The following ZBBX variants were observed in gnomAD, a reference collection of about 807,000 sequenced individuals.
ZBBX encodes the protein zinc finger B-box domain containing, also known as zinc finger B-box domain-containing protein 1.
ZBBX carries 101 observed loss-of-function variants against 108.5 expected under a neutral mutation model. The observed-to-expected ratio is 0.93, with a 90% CI of 0.79 to 1.10. The LOEUF (loss-of-function observed/expected upper bound fraction) is 1.10. Among genes scored for constraint, ZBBX ranks in the 50% least tolerant of loss-of-function variants. ZBBX has a pLI of 0.00. For synonymous variants in ZBBX, 356 were observed against 323.4 expected (o/e 1.10, Z -1.08); for missense variants, 1,009 against 941.4 (o/e 1.07, Z -0.94).
At chr3:167,331,083 C>T (rs1015985741) in intron 10 of ZBBX, among the ~76,000 whole-genome samples, 1 of 151,708 alleles carries the variant, frequency 6.6e-6, no homozygotes, top group Non-Finnish European at 1.5e-5. Flanking sequence ...ATACTGCCAG[C>T]ACCTTTATCT....
chr3:167,321,847 T>C (rs1287056092), intron 12 of ZBBX, among the ~76,000 whole-genome samples: 1 of 152,020 alleles, frequency 6.6e-6, no homozygotes, highest in Non-Finnish European at 1.5e-5. Flanking sequence ...TTTATTATTC[T>C]TCTTAAATTC....
At chr3:167,211,375 G>A in the ZBBX span, among the ~76,000 whole-genome samples, 1 of 152,154 alleles carries the variant, frequency 6.6e-6, no homozygotes, top group African/African-American at 2.4e-5. Flanking sequence ...CAGATACTTG[G>A]GCTTTCTGGC....
chr3:167,290,396 T>C (rs1730475634), intron 18 of ZBBX, among the ~76,000 whole-genome samples: 1 of 152,096 alleles, frequency 6.6e-6, no homozygotes, highest in South Asian at 2.1e-4. Context: ...CCTCCGCTGG[T>C]GATACCCAGG....
intron 1 of ZBBX, chr3:167,392,741 G>T (rs575163592): frequency 7.9e-5 from 12 of 151,792 alleles, no homozygotes; most frequent in Non-Finnish European, 1.5e-4. Context: ...CAAAAAGAAA[G>T]TGTTGGTGAT....
At chr3:167,312,940 TC>T (rs747395721) in intron 16 of ZBBX, among the ~76,000 whole-genome samples, 19 of 152,174 alleles carry the variant, frequency 1.2e-4, no homozygotes, top group Admixed American at 1.3e-4. Flanking sequence ...AAAAATCTAA[TC>T]TTCACATACG....
chr3:167,358,633 A>G (rs975485811), intron 8 of ZBBX, among the ~76,000 whole-genome samples: 1 of 152,086 alleles, frequency 6.6e-6, no homozygotes, highest in Admixed American at 6.6e-5. Context: ...TTCACATTAT[A>G]GCTTTTAAGA....
At chr3:167,395,409 A>G (rs1194990064) in intron 1 of ZBBX, among the ~76,000 whole-genome samples, 1 of 152,036 alleles carries the variant, frequency 6.6e-6, no homozygotes, top group Non-Finnish European at 1.5e-5. Flanking sequence ...GTGTACAATA[A>G]CAGGCAGGAG....
intron 20 of ZBBX, among the ~76,000 whole-genome samples, chr3:167,267,290 A>G (rs963066177): frequency 6.6e-6 from 1 of 152,180 alleles, no homozygotes; most frequent in African/African-American, 2.4e-5. Flanking sequence ...AGAAGGGTAC[A>G]AGGAACCTTC....
At position 167,240,762 on chromosome 3, in the gene ZBBX, C is replaced by T; in HGVS notation, c.*31G>A. The T allele has an allele frequency of 6.2e-7, 1 of 1,602,596 alleles. No individual in the cohort carries two copies. The highest frequency in any genetic ancestry group is 8.5e-7 in the Non-Finnish European group (1 of 1,174,164). On this transcript the variant is annotated 3_prime_UTR_variant, in exon 22 of 22. Transcript: ENST00000675490. The stretch of plus-strand genomic sequence containing the variant: ...TCAGTTGTTTGCTTTACTCTGGGTA[C>T]AAAATGGAAACAGTAATGAACAAAT...
chr3:167,330,977 T>TCTCTCTC (rs1553820893), intron 10 of ZBBX, among the ~76,000 whole-genome samples: 2 of 20,228 alleles, frequency 9.9e-5, no homozygotes, highest in South Asian at 1.5e-3. Context: ...CCCACTCCCC[T>TCTCTCTC]TCTGTATGCA....
chr3:167,268,996 G>A (rs1182065512), intron 20 of ZBBX, among the ~76,000 whole-genome samples: 1 of 152,176 alleles, frequency 6.6e-6, no homozygotes, highest in East Asian at 1.9e-4. Flanking sequence ...GGAGCTGGGA[G>A]AGAAGAAGGA....
At chr3:167,337,651 A>G (rs1739793771) in intron 9 of ZBBX, among the ~76,000 whole-genome samples, 1 of 152,150 alleles carries the variant, frequency 6.6e-6, no homozygotes, top group African/African-American at 2.4e-5. Context: ...AACAGTTTTT[A>G]TCCTATAACC....
At chr3:167,304,833 A>G (rs1480926123) in intron 17 of ZBBX, among the ~76,000 whole-genome samples, 1 of 151,782 alleles carries the variant, frequency 6.6e-6, no homozygotes, top group East Asian at 1.9e-4. Context: ...TTTGCAGAGG[A>G]CTCAGTTCCA....
At chr3:167,291,524 C>A (rs1426537410) in intron 18 of ZBBX, among the ~76,000 whole-genome samples, 1 of 152,126 alleles carries the variant, frequency 6.6e-6, no homozygotes, top group Non-Finnish European at 1.5e-5. Flanking sequence ...TTGTCACCAC[C>A]AGGCCTGCCT....
chr3:167,195,332 A>C, the ZBBX span, among the ~76,000 whole-genome samples: 1 of 152,188 alleles, frequency 6.6e-6, no homozygotes, highest in Non-Finnish European at 1.5e-5. Context: ...TTACTCTGGC[A>C]ATAAGAAATT....
At chr3:167,192,250 C>T in the ZBBX span, among the ~76,000 whole-genome samples, 1 of 152,030 alleles carries the variant, frequency 6.6e-6, no homozygotes, top group Non-Finnish European at 1.5e-5. Context: ...TTTGTTTTCA[C>T]ATTGTTATTT....
upstream of ZBBX, among the ~76,000 whole-genome samples, chr3:167,384,509 T>C (rs552344771): frequency 1.1e-4 from 17 of 152,132 alleles, no homozygotes; most frequent in South Asian, 3.5e-3. Context: ...ACTTTTGCAA[T>C]AGCAGTAGGG....
chr3:167,338,079 T>C (rs12492036), intron 9 of ZBBX, among the ~76,000 whole-genome samples: 26 of 152,146 alleles, frequency 1.7e-4, no homozygotes, highest in Non-Finnish European at 2.9e-5. Context: ...AGGCACATAG[T>C]AAATCATATA....
chr3:167,197,324 G>T, the ZBBX span, among the ~76,000 whole-genome samples: 1 of 152,180 alleles, frequency 6.6e-6, no homozygotes, highest in Admixed American at 6.5e-5. Context: ...AGATCACGAG[G>T]TCAGAAGATC....
Sources: allele counts gnomAD v4.1 joint callset (sites outside exome capture counted in the v4.1 genomes callset), GRCh38; gene constraint gnomAD v4.1.1; transcripts MANE v1.5; gene names NCBI Gene and HGNC (gene_info 2026-07-23, HGNC 2026-07-21).